Variants in AKAP6 observed in about 807,000 individuals in gnomAD.
AKAP6 encodes the protein A-kinase anchoring protein 6.
Under a neutral mutation model 188.5 loss-of-function variants are expected in AKAP6, and 58 were observed. The ratio of observed to expected loss-of-function variants is 0.31; its 90% CI spans 0.25 to 0.38. The LOEUF is 0.38. Among genes scored for constraint, AKAP6 ranks in the 10% least tolerant of loss-of-function variants. AKAP6 has a pLI of 1.00. For synonymous variants in AKAP6, 989 were observed against 998.6 expected, an observed-to-expected ratio of 0.99 and a Z score of 0.18; for missense variants, 2,710 against 2,740.0, an observed-to-expected ratio of 0.99 and a Z score of 0.24.
intron 7 of AKAP6, among the ~76,000 whole-genome samples, chr14:32,677,665 G>A (rs1261462556): frequency 6.6e-6 from 1 of 152,164 alleles, no homozygotes; most frequent in Non-Finnish European, 1.5e-5. Context: ...GCATTCTTTT[G>A]GCCTTGGTTT....
intron 11 of AKAP6, among the ~76,000 whole-genome samples, chr14:32,742,412 G>A (rs2031721342): frequency 2.0e-5 from 3 of 150,760 alleles, no homozygotes; most frequent in Admixed American, 2.0e-4. Flanking sequence ...ACTAATTTTG[G>A]GTTTGGTTTG....
chr14:32,370,217 C>A (rs1446559738), intron 1 of AKAP6, among the ~76,000 whole-genome samples: 1 of 152,198 alleles, frequency 6.6e-6, no homozygotes, highest in African/African-American at 2.4e-5. Context: ...AGACTGTCCA[C>A]AAATTAGCAC....
intron 11 of AKAP6, among the ~76,000 whole-genome samples, chr14:32,767,700 C>G (rs1204444795): frequency 2.0e-5 from 3 of 152,174 alleles, no homozygotes; most frequent in Non-Finnish European, 4.4e-5. Context: ...CCTCTCTTCT[C>G]TCCACCTTTC....
intron 9 of AKAP6, among the ~76,000 whole-genome samples, chr14:32,701,248 G>T (rs1452680557): frequency 6.6e-6 from 1 of 152,002 alleles, no homozygotes; most frequent in Non-Finnish European, 1.5e-5. Context: ...AATATACATA[G>T]ACTAGAAGTT....
chr14:32,772,353 C>T (rs983234896), intron 11 of AKAP6, among the ~76,000 whole-genome samples: 2 of 152,106 alleles, frequency 1.3e-5, no homozygotes, highest in African/African-American at 4.8e-5. Context: ...GTTCAAGAAA[C>T]ATAACTGAAA....
chr14:32,425,902 T>C (rs898980586), intron 1 of AKAP6, among the ~76,000 whole-genome samples: 3 of 152,228 alleles, frequency 2.0e-5, no homozygotes, highest in Non-Finnish European at 4.4e-5. Flanking sequence ...TTTTGGTGTC[T>C]TCATCATGAA....
intron 4 of AKAP6, among the ~76,000 whole-genome samples, chr14:32,561,233 A>G (rs1230817425): frequency 6.6e-6 from 1 of 152,186 alleles, no homozygotes; most frequent in Non-Finnish European, 1.5e-5. Flanking sequence ...TCTAAAGGCT[A>G]CATAAATATT....
intron 1 of AKAP6, among the ~76,000 whole-genome samples, chr14:32,399,245 T>G (rs1594577350): frequency 1.3e-5 from 2 of 152,346 alleles, no homozygotes; most frequent in East Asian, 3.9e-4. Flanking sequence ...ATAAGTTTGA[T>G]TAAGAAGACT....
chr14:32,377,550 GAGAA>G (rs1376993666), intron 1 of AKAP6, among the ~76,000 whole-genome samples: 2 of 152,184 alleles, frequency 1.3e-5, no homozygotes, highest in Non-Finnish European at 2.9e-5. Context: ...GCCATGCTGA[GAGAA>G]AGGCCAGCTA....
chr14:32,377,564 A>G (rs1329698411), intron 1 of AKAP6, among the ~76,000 whole-genome samples: 1 of 152,162 alleles, frequency 6.6e-6, no homozygotes, highest in Non-Finnish European at 1.5e-5. Context: ...AAGGCCAGCT[A>G]TGAGTACAGT....
intron 2 of AKAP6, among the ~76,000 whole-genome samples, chr14:32,468,133 G>A (rs1878563195): frequency 6.6e-6 from 1 of 151,682 alleles, no homozygotes; most frequent in Non-Finnish European, 1.5e-5. Context: ...TAGGAGCCCA[G>A]ACAGCAGCAT....
chr14:32,356,957 T>G (rs61981850), intron 1 of AKAP6, among the ~76,000 whole-genome samples: 3,919 of 152,152 alleles, frequency 0.026, 86 homozygotes, highest in Non-Finnish European at 0.037. Context: ...ACCGGACATA[T>G]GCCTCTAGTA....
chr14:32,355,518 A>G (rs975530506), intron 1 of AKAP6, among the ~76,000 whole-genome samples: 15 of 152,204 alleles, frequency 9.9e-5, no homozygotes, highest in African/African-American at 3.6e-4. Flanking sequence ...TTTGAATGAA[A>G]TGCATAGAAT....
In AKAP6 at chr14:32,612,523, T is replaced by G. The variant is rs544043432; in HGVS notation, c.2730+11731T>G. ...CATCTGTTCTTCCTTTCTACACTTC[T>G]CTCCCATTTTCTTTGCCACTTGTTA... is the stretch of plus-strand genomic sequence containing the variant. On this transcript the variant is annotated intron_variant, in intron 7 of 13. Transcript: ENST00000280979. 2.4e-4 allele frequency among the ~76,000 whole-genome samples: 36 copies of G among 152,298 alleles called. No individual in the cohort carries two copies. The South Asian group carries it at 6.4e-3, about 27-fold the overall frequency.
chr14:32,387,634 G>C (rs576324831), intron 1 of AKAP6, among the ~76,000 whole-genome samples: 1 of 151,168 alleles, frequency 6.6e-6, no homozygotes, highest in South Asian at 2.1e-4. Context: ...TGTTTATGTG[G>C]TGTATCACAT....
At chr14:32,603,267 GGGGT>G in intron 7 of AKAP6, among the ~76,000 whole-genome samples, 1 of 152,080 alleles carries the variant, frequency 6.6e-6, no homozygotes, top group East Asian at 1.9e-4. Flanking sequence ...ATGAGTGGGT[GGGGT>G]GGGATGAGTG....
At position 32,545,265 on chromosome 14, in the gene AKAP6, A is replaced by G. The variant is rs747787990; in HGVS notation, c.612A>G (p.Ser204=). The change falls in exon 4 of 14, where the codon TCA becomes TCG. Residue 204 remains serine (S), a synonymous_variant. Coordinates refer to ENST00000280979, the MANE Select transcript of AKAP6 (RefSeq NM_004274.5). ...ATTCTCTAACAGAAGTGGATGACTC[A>G]GGACAATTAACCATCAAATGTTCTC... ...RLDSLTEVDD[S]GQLTIKCSQN... The G allele has an allele frequency of 6.2e-7, 1 of 1,614,120 alleles. No homozygotes were observed.
At chr14:32,682,742 A>C (rs1010662904) in intron 8 of AKAP6, among the ~76,000 whole-genome samples, 2 of 152,098 alleles carry the variant, frequency 1.3e-5, no homozygotes, top group Non-Finnish European at 2.9e-5. Context: ...CCTACTGAAA[A>C]TTTTGATTCA....
At chr14:32,811,319 C>A (rs1293219636) in intron 12 of AKAP6, among the ~76,000 whole-genome samples, 2 of 149,980 alleles carry the variant, frequency 1.3e-5, no homozygotes, top group African/African-American at 4.9e-5. Context: ...CTAATTCAAA[C>A]TGACCAACAT....
Sources: allele counts gnomAD v4.1 joint callset (sites outside exome capture counted in the v4.1 genomes callset), GRCh38; gene constraint gnomAD v4.1.1; transcripts MANE v1.5; gene names NCBI Gene and HGNC (gene_info 2026-07-23, HGNC 2026-07-21).